Variants in FREM2 observed in about 807,000 individuals in gnomAD.
FREM2 encodes FRAS1 related extracellular matrix 2.
A neutral mutation model predicts 219.9 loss-of-function variants in FREM2; 119 were observed. That is an observed-to-expected ratio of 0.54 (90% CI 0.47 to 0.63). The LOEUF (loss-of-function observed/expected upper bound fraction) is 0.63. FREM2 is among the 30% of genes least tolerant of loss of function. The pLI, the probability that FREM2 is intolerant of heterozygous loss-of-function variation, is 0.00. For missense variants in FREM2, 4,030 were observed against 3,993.6 expected (o/e 1.01, Z -0.25); for synonymous variants, 1,562 against 1,522.8 (o/e 1.03, Z -0.60).
At chr13:38,731,037 C>T (rs2496447) in intron 2 of FREM2, among the ~76,000 whole-genome samples, 2,586 of 151,832 alleles carry the variant, frequency 0.017, 87 homozygotes, top group African/African-American at 0.061. Flanking sequence ...TGGATTTAAA[C>T]TCTTTGGCAA....
At chr13:38,857,138 G>C (rs117949846) in intron 12 of FREM2, among the ~76,000 whole-genome samples, 6 of 152,140 alleles carry the variant, frequency 3.9e-5, no homozygotes, top group African/African-American at 1.2e-4. Context: ...ATGGAGTAGC[G>C]TATGAAATTC....
At chr13:38,849,582 A>G (rs1877294024) in intron 8 of FREM2, among the ~76,000 whole-genome samples, 1 of 152,134 alleles carries the variant, frequency 6.6e-6, no homozygotes, top group Non-Finnish European at 1.5e-5. Flanking sequence ...AGTCTCACCT[A>G]TTGTCAATGA....
intron 6 of FREM2, among the ~76,000 whole-genome samples, chr13:38,796,684 A>T (rs756086187): frequency 6.6e-6 from 1 of 152,178 alleles, no homozygotes; most frequent in Non-Finnish European, 1.5e-5. Context: ...GACACTTAGG[A>T]TGATTCCATA....
Position 38,864,387 on chromosome 13 carries a change from A to C in FREM2, c.7764A>C (p.Glu2588Asp). 6.2e-7 allele frequency: 1 copy of C among 1,614,086 alleles called. No homozygotes were observed. Among genetic ancestry groups the C allele is most frequent in the Non-Finnish European group, 8.5e-7 (1 of 1,179,926 alleles). Residue 2588 changes from glutamate to aspartate, a missense_variant, in exon 16 of 24, where the codon GAA (glutamate) becomes GAC (aspartate). By Grantham distance (45) the Glu-to-Asp change is conservative (BLOSUM62 2). Coordinates refer to ENST00000280481, the MANE Select transcript of FREM2 (RefSeq NM_207361.6). ...HKCSNLLDYT[E>D]VKTHYGFLTD... ...GCTCCAACCTCCTGGATTATACTGA[A>C]GTGAAGACTCATTATGGTTTCTTGA... is the stretch of plus-strand genomic sequence containing the variant.
intron 6 of FREM2, among the ~76,000 whole-genome samples, chr13:38,817,257 A>G (rs1443849325): frequency 6.6e-6 from 1 of 152,150 alleles, no homozygotes; most frequent in African/African-American, 2.4e-5. Context: ...AACCAAAGCA[A>G]TCCTGTGCAA....
Position 38,687,077 on chromosome 13 carries a change from A to C in FREM2, c.-268A>C. The C allele has an allele frequency of 1.8e-6, 1 of 562,584 alleles. No individual in the cohort carries two copies. The highest frequency in any genetic ancestry group is 2.3e-5 in the South Asian group (1 of 42,830). 34.8% of individuals were successfully genotyped at this position (562,584 alleles called of 1,614,324 possible). On this transcript the variant is annotated 5_prime_UTR_variant, in exon 1 of 24. Coordinates refer to ENST00000280481, the MANE Select transcript of FREM2 (RefSeq NM_207361.6). ...CCCAGGGTCCGGGGACCTGGAAAGT[A>C]GAAGTGGAGGGATTCAATTCTCCGC...
Position 38,687,647 on chromosome 13 carries a change from C to A in FREM2, c.303C>A (p.Pro101=), listed in dbSNP as rs8002488. 9.6e-3 allele frequency: 15,374 copies of A among 1,607,388 alleles called. 1,140 individuals are homozygous for A. In the African/African-American group the frequency reaches 0.17, roughly 18 times the overall value. Residue 101 remains proline (P), a synonymous_variant, in exon 1 of 24, where the codon CCC becomes CCA. Coordinates refer to ENST00000280481, the MANE Select transcript of FREM2 (RefSeq NM_207361.6). ...PLHDLVLQVQ[P]GDRCAVSVLD... ...ATGACCTGGTGTTGCAGGTGCAGCC[C>A]GGGGACCGCTGCGCGGTTTCGGTAC... is the stretch of plus-strand genomic sequence containing the variant.
chr13:38,794,619 T>G (rs899530597), intron 6 of FREM2, among the ~76,000 whole-genome samples: 1 of 152,174 alleles, frequency 6.6e-6, no homozygotes, highest in African/African-American at 2.4e-5. Context: ...TTCCATGGGT[T>G]TGAAATGGGG....
intron 23 of FREM2, among the ~76,000 whole-genome samples, chr13:38,879,396 T>C (rs556472892): frequency 1.2e-3 from 187 of 152,312 alleles, no homozygotes; most frequent in African/African-American, 4.4e-3. Context: ...TGTGAACTGC[T>C]GAACTCAGGA....
intron 2 of FREM2, among the ~76,000 whole-genome samples, chr13:38,726,338 G>A (rs188695427): frequency 1.3e-5 from 2 of 152,284 alleles, no homozygotes; most frequent in East Asian, 3.9e-4. Context: ...AGAGGAGGTG[G>A]TTTGGAATAT....
At chr13:38,781,567 G>A (rs1874119105) in intron 4 of FREM2, among the ~76,000 whole-genome samples, 1 of 152,008 alleles carries the variant, frequency 6.6e-6, no homozygotes, top group Non-Finnish European at 1.5e-5. Flanking sequence ...ACAGTATCTG[G>A]CAAGTCGATG....
At chr13:38,718,811 A>T (rs1274182027) in intron 2 of FREM2, among the ~76,000 whole-genome samples, 1 of 152,210 alleles carries the variant, frequency 6.6e-6, no homozygotes, top group East Asian at 1.9e-4. Context: ...GAGGGCAGAG[A>T]TAGGAAACAG....
intron 1 of FREM2, among the ~76,000 whole-genome samples, chr13:38,696,765 C>T (rs933870046): frequency 3.3e-5 from 5 of 151,116 alleles, no homozygotes; most frequent in African/African-American, 1.2e-4. Flanking sequence ...ACATAAGGAA[C>T]ATTTCTGAGG....
chr13:38,788,754 A>T (rs1231226494), intron 6 of FREM2, among the ~76,000 whole-genome samples: 1 of 152,122 alleles, frequency 6.6e-6, no homozygotes, highest in Admixed American at 6.6e-5. Context: ...TTTCTCATTG[A>T]AAAGGAAAAT....
intron 5 of FREM2, 54 bp from the exon 6 acceptor site, chr13:38,784,503 A>G: frequency 1.3e-6 from 2 of 1,599,298 alleles, no homozygotes; most frequent in Non-Finnish European, 1.7e-6. Context: ...GTGTCTGGAA[A>G]TATCTTTGTC....
At chr13:38,743,266 A>G (rs542149502) in intron 2 of FREM2, among the ~76,000 whole-genome samples, 32 of 151,950 alleles carry the variant, frequency 2.1e-4, no homozygotes, top group African/African-American at 7.7e-4. Flanking sequence ...TACATTCCTT[A>G]CCATTATGCT....
At chr13:38,856,626 A>AAT (rs1877570290) in intron 12 of FREM2, among the ~76,000 whole-genome samples, 1 of 152,000 alleles carries the variant, frequency 6.6e-6, no homozygotes, top group Admixed American at 6.5e-5. Context: ...GCCACAACTC[A>AAT]TAAAACATAT....
chr13:38,851,687 G>T lies in FREM2; in HGVS notation c.6744G>T (p.Lys2248Asn). 1.2e-6 allele frequency: 2 copies of T among 1,600,110 alleles called. No homozygotes were observed. The highest frequency in any genetic ancestry group is 2.2e-5 in the South Asian group (2 of 90,750). ...TLIRIRDDADKTVIKFGETKF... is the reference protein window; with the variant it reads ...TLIRIRDDADNTVIKFGETKF... ...TGTCTTTGTTTCCCACAATTTTAGA[G>T]ACTGTTATTAAATTTGGAGAAACCA... Residue 2248 changes from lysine to asparagine, a missense_variant and splice_region_variant, in exon 11 of 24, where the codon AAG becomes AAT. Lys to Asn is a moderately conservative substitution (Grantham distance 94). Around this residue, in one of 2 missense-constraint regions of FREM2, gnomAD observed 3,102 missense variants for 2,950.7 expected, o/e 1.05. Transcript: ENST00000280481.
intron 6 of FREM2, among the ~76,000 whole-genome samples, chr13:38,815,710 T>G (rs1019055586): frequency 2.5e-4 from 38 of 152,320 alleles, no homozygotes; most frequent in Middle Eastern, 3.4e-3. Context: ...GATGAGGGAC[T>G]CAGGCTGCTT....
Sources: gnomAD v4.1 joint callset for allele counts (sites outside exome capture counted in the v4.1 genomes callset) on GRCh38, gnomAD v4.1.1 for gene constraint, gnomAD v4.1.1 regional missense constraint, MANE v1.5 for transcripts, NCBI Gene and HGNC (gene_info 2026-07-23, HGNC 2026-07-21) for gene names.